The following TEX29 variants were observed in gnomAD, a reference collection of about 807,000 sequenced individuals.
The protein encoded by TEX29 is testis-expressed protein 29.
TEX29 carries 26 observed loss-of-function variants against 18.2 expected under a neutral mutation model. The ratio of observed to expected loss-of-function variants is 1.43; its 90% CI spans 1.04 to 1.98. TEX29 has a LOEUF of 1.98. TEX29 is among the 30% of genes most tolerant of loss of function. The pLI is 0.00. For synonymous variants in TEX29, 83 were observed against 78.5 expected (o/e 1.06, Z -0.31); for missense variants, 177 against 194.2 (o/e 0.91, Z 0.53).
chr13:111,327,450 G>T (rs1469032836), intron 2 of TEX29, among the ~76,000 whole-genome samples: 1 of 152,172 alleles, frequency 6.6e-6, no homozygotes, highest in East Asian at 1.9e-4. Flanking sequence ...TTGGCCTGGG[G>T]CATGGAGCCT....
chr13:111,338,745 G>A (rs1335207804), intron 3 of TEX29, among the ~76,000 whole-genome samples: 1 of 152,198 alleles, frequency 6.6e-6, no homozygotes, highest in Non-Finnish European at 1.5e-5. Context: ...GAATTACTCT[G>A]TATATGTGAT....
chr13:111,334,330 G>A (rs1451423905), intron 3 of TEX29, among the ~76,000 whole-genome samples: 4 of 152,192 alleles, frequency 2.6e-5, no homozygotes, highest in Admixed American at 2.6e-4. Flanking sequence ...CCACTAAAAA[G>A]TCTTCTTGGG....
At chr13:111,336,262 G>A (rs1300887702) in intron 3 of TEX29, among the ~76,000 whole-genome samples, 1 of 152,368 alleles carries the variant, frequency 6.6e-6, no homozygotes, top group African/African-American at 2.4e-5. Flanking sequence ...TGGGCAGTGG[G>A]CCCTGCCTTG....
intron 2 of TEX29, among the ~76,000 whole-genome samples, chr13:111,326,418 CGG>C (rs2093673484): frequency 6.9e-6 from 1 of 145,592 alleles, no homozygotes; most frequent in Non-Finnish European, 1.5e-5. Context: ...GTGGAGGAGA[CGG>C]TGGGCAGCGT....
At chr13:111,324,494 C>T (rs747376120) in intron 2 of TEX29, among the ~76,000 whole-genome samples, 17 of 152,308 alleles carry the variant, frequency 1.1e-4, no homozygotes, top group Non-Finnish European at 2.2e-4. Flanking sequence ...ACTGCTTCAT[C>T]GGGAAACGAG....
intron 2 of TEX29, among the ~76,000 whole-genome samples, chr13:111,325,015 C>T (rs867734994): frequency 2.0e-5 from 3 of 152,306 alleles, no homozygotes; most frequent in African/African-American, 4.8e-5. Context: ...TTGCTATCCA[C>T]GCAGACGGGG....
chr13:111,333,311 A>T (rs1236908700), intron 3 of TEX29, among the ~76,000 whole-genome samples: 3 of 152,112 alleles, frequency 2.0e-5, no homozygotes, highest in Non-Finnish European at 4.4e-5. Context: ...TCTTTCTGTT[A>T]TCTTTCTCCT....
intron 2 of TEX29, among the ~76,000 whole-genome samples, chr13:111,327,473 C>T (rs2093675929): frequency 6.6e-6 from 1 of 152,196 alleles, no homozygotes; most frequent in Non-Finnish European, 1.5e-5. Flanking sequence ...CTTTGTGGGA[C>T]TGCAGTCCAC....
At chr13:111,337,571 G>A (rs544106423) in intron 3 of TEX29, among the ~76,000 whole-genome samples, 8 of 152,162 alleles carry the variant, frequency 5.3e-5, no homozygotes, top group South Asian at 4.2e-4. Context: ...AGGGATCAGC[G>A]TTGTTCAGTG....
intron 3 of TEX29, among the ~76,000 whole-genome samples, chr13:111,330,308 C>CG (rs1379967293): frequency 1.3e-5 from 2 of 152,174 alleles, no homozygotes; most frequent in Non-Finnish European, 1.5e-5. Context: ...GAGAGGGTGT[C>CG]TGTCCTGCTT....
intron 3 of TEX29, 24 bp downstream of exon 3, chr13:111,328,317 C>T (rs764611501): frequency 1.1e-5 from 18 of 1,567,074 alleles, no homozygotes; most frequent in South Asian, 8.9e-5. Context: ...CCGGCCACCC[C>T]GTGGCGGAAG....
chr13:111,323,304 A>G (rs2093667734), intron 2 of TEX29, among the ~76,000 whole-genome samples: 1 of 152,184 alleles, frequency 6.6e-6, no homozygotes, highest in African/African-American at 2.4e-5. Flanking sequence ...TGGGGGTGAA[A>G]GAGCGGAAAT....
At chr13:111,329,590 G>A (rs990007087) in intron 3 of TEX29, among the ~76,000 whole-genome samples, 2 of 151,924 alleles carry the variant, frequency 1.3e-5, no homozygotes, top group African/African-American at 4.8e-5. Flanking sequence ...GTGGAACCTA[G>A]CACAAGCTTG....
intron 2 of TEX29, among the ~76,000 whole-genome samples, chr13:111,327,972 T>C (rs1288035438): frequency 1.3e-5 from 2 of 152,254 alleles, no homozygotes; most frequent in African/African-American, 2.4e-5. Flanking sequence ...CATTATTCTG[T>C]GTAATTAACT....
chr13:111,343,043 G>C, intron 5 of TEX29, 112 bp downstream of exon 5: 1 of 1,287,818 alleles, frequency 7.8e-7, no homozygotes, highest in Non-Finnish European at 1.1e-6. Context: ...TTCAACCTCA[G>C]TGATCAGTGT....
chr13:111,318,722 A>AC (rs1284480887), upstream of TEX29, among the ~76,000 whole-genome samples: 3 of 152,222 alleles, frequency 2.0e-5, no homozygotes, highest in East Asian at 5.8e-4. Flanking sequence ...AGAGAGAAGC[A>AC]GTGTCTCTGC....
At chr13:111,327,320 G>A (rs1371342838) in intron 2 of TEX29, among the ~76,000 whole-genome samples, 2 of 152,210 alleles carry the variant, frequency 1.3e-5, no homozygotes, top group African/African-American at 2.4e-5. Flanking sequence ...TCAACCCTAA[G>A]GAACACAAAT....
At chr13:111,336,792 G>A (rs896631390) in intron 3 of TEX29, among the ~76,000 whole-genome samples, 2 of 152,250 alleles carry the variant, frequency 1.3e-5, no homozygotes, top group Non-Finnish European at 2.9e-5. Context: ...GATATGGTCT[G>A]TAATAAATAG....
chr13:111,333,025 G>A (rs568333432), intron 3 of TEX29, among the ~76,000 whole-genome samples: 1 of 152,312 alleles, frequency 6.6e-6, no homozygotes, highest in East Asian at 1.9e-4. Context: ...CTGGTTGATA[G>A]TCTTCCTGAC....
Sources: allele counts gnomAD v4.1 joint callset (sites outside exome capture counted in the v4.1 genomes callset), GRCh38; gene constraint gnomAD v4.1.1; transcripts MANE v1.5; gene names NCBI Gene and HGNC (gene_info 2026-07-23, HGNC 2026-07-21).